The following PAX5 variants were observed in gnomAD, a reference collection of about 807,000 sequenced individuals.
PAX5 encodes paired box 5, also known as paired box protein Pax-5.
Under a neutral mutation model 43.7 loss-of-function variants are expected in PAX5, and 9 were observed. The ratio of observed to expected loss-of-function variants is 0.21; its 90% CI spans 0.12 to 0.36. The LOEUF (loss-of-function observed/expected upper bound fraction) is 0.36. Among genes scored for constraint, PAX5 ranks in the 10% least tolerant of loss-of-function variants. The pLI is 1.00. For synonymous variants in PAX5, 228 were observed against 214.3 expected (o/e 1.06, Z -0.56); for missense variants, 383 against 532.7 (o/e 0.72, Z 2.77).
chr9:36,927,503 G>A (rs998781874), intron 6 of PAX5, among the ~76,000 whole-genome samples: 5 of 152,166 alleles, frequency 3.3e-5, no homozygotes, highest in Non-Finnish European at 5.9e-5. Context: ...CACTTCAAAA[G>A]TTAGGTTTGG....
intron 5 of PAX5, among the ~76,000 whole-genome samples, chr9:36,994,376 G>T (rs987960840): frequency 7.3e-5 from 11 of 151,652 alleles, no homozygotes; most frequent in Non-Finnish European, 1.5e-4. Flanking sequence ...TACCTGCAGG[G>T]TATAGAGCAC....
At chr9:36,998,487 T>C (rs1158472417) in intron 5 of PAX5, among the ~76,000 whole-genome samples, 1 of 152,238 alleles carries the variant, frequency 6.6e-6, no homozygotes, top group Non-Finnish European at 1.5e-5. Context: ...TAAAGGAATG[T>C]GACTGATCCA....
intron 8 of PAX5, among the ~76,000 whole-genome samples, chr9:36,874,163 C>G (rs763847555): frequency 1.1e-4 from 17 of 152,222 alleles, no homozygotes; most frequent in Non-Finnish European, 2.5e-4. Flanking sequence ...GTCTCCGTAA[C>G]TACACAACCA....
At chr9:37,021,406 G>A (rs1839846195) in intron 1 of PAX5, among the ~76,000 whole-genome samples, 1 of 152,160 alleles carries the variant, frequency 6.6e-6, no homozygotes, top group Admixed American at 6.5e-5. Context: ...AGAAGGTGAG[G>A]TTGACATGCA....
intron 4 of PAX5, among the ~76,000 whole-genome samples, chr9:37,003,891 A>G (rs547552884): frequency 4.6e-5 from 7 of 152,272 alleles, no homozygotes; most frequent in Non-Finnish European, 8.8e-5. Context: ...CCCAGAGACT[A>G]AAGCCTCAAA....
intron 3 of PAX5, among the ~76,000 whole-genome samples, chr9:37,013,527 G>A (rs547482008): frequency 7.7e-4 from 117 of 152,228 alleles, no homozygotes; most frequent in African/African-American, 1.8e-3. Flanking sequence ...GTTTTGTGTC[G>A]TGGAAATCCC....
chr9:36,892,455 C>T (rs531956715), intron 7 of PAX5, among the ~76,000 whole-genome samples: 5 of 152,284 alleles, frequency 3.3e-5, no homozygotes, highest in East Asian at 3.9e-4. Context: ...ATTTAAGTAC[C>T]GCAGCCACTC....
intron 7 of PAX5, among the ~76,000 whole-genome samples, chr9:36,886,228 G>A (rs2131789190): frequency 6.6e-6 from 1 of 152,288 alleles, no homozygotes; most frequent in Non-Finnish European, 1.5e-5. Flanking sequence ...CTGAGTTTGG[G>A]GGGCATTTGC....
intron 7 of PAX5, among the ~76,000 whole-genome samples, chr9:36,916,738 G>A (rs1416268802): frequency 6.6e-6 from 1 of 152,098 alleles, no homozygotes; most frequent in Non-Finnish European, 1.5e-5. Context: ...AGGCTGGAAT[G>A]CAGTGGCGTG....
At chr9:36,880,476 C>T (rs1826314825) in intron 8 of PAX5, among the ~76,000 whole-genome samples, 1 of 152,274 alleles carries the variant, frequency 6.6e-6, no homozygotes, top group Non-Finnish European at 1.5e-5. Context: ...CTCCCCAGTG[C>T]ATGGGAGAGT....
intron 9 of PAX5, among the ~76,000 whole-genome samples, chr9:36,844,574 G>T (rs577742558): frequency 6.6e-6 from 1 of 152,138 alleles, no homozygotes; most frequent in South Asian, 2.1e-4. Flanking sequence ...GCTGTCTCTG[G>T]CCCCCTAAAG....
intron 5 of PAX5, among the ~76,000 whole-genome samples, chr9:36,971,314 T>C (rs938595169): frequency 3.9e-5 from 6 of 152,218 alleles, no homozygotes; most frequent in African/African-American, 1.4e-4. Flanking sequence ...TCAGTGAGAA[T>C]GAACCAACAA....
chr9:36,912,500 GA>G (rs908219512), intron 7 of PAX5, among the ~76,000 whole-genome samples: 9 of 152,352 alleles, frequency 5.9e-5, no homozygotes, highest in Admixed American at 3.3e-4. Context: ...ACGCCTTCAG[GA>G]AATTTGAACT....
At chr9:36,880,808 C>T (rs2131752870) in intron 8 of PAX5, among the ~76,000 whole-genome samples, 2 of 152,348 alleles carry the variant, frequency 1.3e-5, no homozygotes, top group South Asian at 4.1e-4. Flanking sequence ...GAACTCCTGG[C>T]CTCAAGTGAT....
intron 7 of PAX5, among the ~76,000 whole-genome samples, chr9:36,919,840 A>C (rs1449910513): frequency 5.7e-4 from 13 of 22,826 alleles, no homozygotes; most frequent in Middle Eastern, 0.016. Context: ...ACTCTGTCTC[A>C]AAAAAAAAAA....
intron 6 of PAX5, among the ~76,000 whole-genome samples, chr9:36,961,084 C>T (rs989463373): frequency 3.3e-5 from 5 of 152,208 alleles, no homozygotes; most frequent in African/African-American, 1.2e-4. Flanking sequence ...TCCTCTTTCT[C>T]CCCAGGGTAC....
At chr9:36,931,161 T>G (rs1028446164) in intron 6 of PAX5, among the ~76,000 whole-genome samples, 13 of 152,196 alleles carry the variant, frequency 8.5e-5, no homozygotes, top group South Asian at 2.1e-4. Flanking sequence ...CCATTCCCAT[T>G]CTGAAGGACC....
chr9:36,936,755 G>A (rs945109949), intron 6 of PAX5, among the ~76,000 whole-genome samples: 5 of 152,014 alleles, frequency 3.3e-5, no homozygotes, highest in Admixed American at 6.6e-5. Flanking sequence ...GTGGGGACAG[G>A]GAGGTGGGCC....
intron 6 of PAX5, among the ~76,000 whole-genome samples, chr9:36,941,688 CA>C (rs1339202937): frequency 6.6e-6 from 1 of 151,466 alleles, no homozygotes; most frequent in Non-Finnish European, 1.5e-5. Context: ...CACCTCAAGG[CA>C]ATGCCCCTGG....
Sources: allele counts gnomAD v4.1 joint callset (sites outside exome capture counted in the v4.1 genomes callset), GRCh38; gene constraint gnomAD v4.1.1; transcripts MANE v1.5; gene names NCBI Gene and HGNC (gene_info 2026-07-23, HGNC 2026-07-21).